The following CNKSR3 variants were observed in gnomAD, a reference collection of about 807,000 sequenced individuals.
CNKSR3 encodes CNKSR family member 3, also known as connector enhancer of kinase suppressor of ras 3.
Under a neutral mutation model 67.7 loss-of-function variants are expected in CNKSR3, and 36 were observed. The observed-to-expected ratio is 0.53, with a 90% confidence interval of 0.41 to 0.70. The LOEUF (loss-of-function observed/expected upper bound fraction) is 0.70. Ranked by LOEUF, CNKSR3 falls within the 30% of genes least tolerant of loss-of-function variation. CNKSR3 has a pLI of 0.00. For missense variants in CNKSR3, 630 were observed against 695.2 expected (o/e 0.91, Z 1.05); for synonymous variants, 281 against 271.4 (o/e 1.04, Z -0.35).
chr6:154,440,696 A>C (rs1785563332), intron 4 of CNKSR3, among the ~76,000 whole-genome samples: 2 of 152,172 alleles, frequency 1.3e-5, no homozygotes. Context: ...TGCCTTGGGG[A>C]AAGGCAACAT....
At chr6:154,455,105 TC>T (rs1785923657) in intron 1 of CNKSR3, among the ~76,000 whole-genome samples, 1 of 71,274 alleles carries the variant, frequency 1.4e-5, no homozygotes, top group African/African-American at 6.8e-5. Context: ...GGTCAGGAGT[TC>T]GAGACGAGGC....
rs1203882151 is a variant in CNKSR3 at position 154,403,920 on chromosome 6, G to A, written c.*2434C>T. 1 of 152,218 alleles carries A rather than the reference G, an allele frequency of 6.6e-6. No individual in the cohort carries two copies. Among genetic ancestry groups the A allele is most frequent in the South Asian group, 2.1e-4 (1 of 4,830 alleles). 9.4% of individuals were successfully genotyped at this position (152,218 alleles called of 1,614,324 possible). A position where few individuals can be genotyped will look rare whatever the true frequency, so the allele number is the denominator to read the frequency against. On this transcript the variant is annotated 3_prime_UTR_variant, in exon 13 of 13. Transcript: ENST00000607772. ...TAACTCATCATCCAGTGGAACTACAGCTCTTAGAGTTCTCCCCACAATCTG... is the reference window on the plus strand; with the variant it reads ...TAACTCATCATCCAGTGGAACTACAACTCTTAGAGTTCTCCCCACAATCTG...
Position 154,406,014 on chromosome 6 carries a change from A to G in CNKSR3, c.*340T>C. On this transcript the variant is annotated 3_prime_UTR_variant, in exon 13 of 13. Transcript: ENST00000607772. ...TTTGAGTCCCCCCAGCCCCTCAAAA[A>G]GGAACAATGCCACCAGTCCCTCACA... The G allele has an allele frequency of 4.6e-6, 1 of 216,228 alleles. No homozygotes were observed. Among genetic ancestry groups the G allele is most frequent in the South Asian group, 1.2e-4 (1 of 8,584 alleles). 13.4% of individuals were successfully genotyped at this position (216,228 alleles called of 1,614,324 possible). A position where few individuals can be genotyped will look rare whatever the true frequency, so the allele number is the denominator to read the frequency against.
chr6:154,483,103 G>A (rs1371537821), intron 1 of CNKSR3, among the ~76,000 whole-genome samples: 3 of 152,250 alleles, frequency 2.0e-5, no homozygotes, highest in South Asian at 2.1e-4. Flanking sequence ...CATCTTGGAC[G>A]AAGGACAGGA....
chr6:154,450,073 G>A (rs1399328526), intron 2 of CNKSR3, 22 bp downstream of exon 2: 1 of 1,610,906 alleles, frequency 6.2e-7, no homozygotes, highest in African/African-American at 1.3e-5. Context: ...TCACGGTACA[G>A]ACCGTCTTTT....
rs1244058298 is a variant in CNKSR3 at position 154,388,098 on chromosome 6, A to C, written c.*18256T>G. 1 of 151,930 alleles carries C rather than the reference A, an allele frequency of 6.6e-6. No individual in the cohort carries two copies. The highest frequency in any genetic ancestry group is 1.5e-5 in the Non-Finnish European group (1 of 68,004). 9.4% of individuals were successfully genotyped at this position (151,930 alleles called of 1,614,324 possible). On this transcript the variant is annotated 3_prime_UTR_variant, in exon 13 of 13. Transcript: ENST00000607772. ...CAGTATTGTTGACTATAGGTGCAAT[A>C]TTGTACCACAAATCTCTAGAGCTTA...
intron 1 of CNKSR3, among the ~76,000 whole-genome samples, chr6:154,457,151 A>C (rs530701081): frequency 1.3e-5 from 2 of 152,298 alleles, no homozygotes; most frequent in African/African-American, 2.4e-5. Context: ...GCTTTCAAAC[A>C]GAAGCGTGAC....
intron 1 of CNKSR3, among the ~76,000 whole-genome samples, chr6:154,479,041 G>C (rs1434398126): frequency 1.3e-5 from 2 of 150,978 alleles, no homozygotes; most frequent in Non-Finnish European, 1.5e-5. Flanking sequence ...TAAAAAGGGG[G>C]AGGAACATAT....
intron 1 of CNKSR3, among the ~76,000 whole-genome samples, chr6:154,457,499 C>T (rs946113444): frequency 6.6e-6 from 1 of 152,178 alleles, no homozygotes; most frequent in African/African-American, 2.4e-5. Flanking sequence ...GTGGGTGGAT[C>T]ACCTGAGGTC....
chr6:154,504,366 GACTTC>G (rs1171001144), intron 1 of CNKSR3, among the ~76,000 whole-genome samples: 16 of 152,202 alleles, frequency 1.1e-4, no homozygotes, highest in Admixed American at 1.0e-3. Context: ...CCTTATGAAA[GACTTC>G]ACTGCTCAGA....
chr6:154,461,622 A>G (rs904210714), intron 1 of CNKSR3, among the ~76,000 whole-genome samples: 2 of 152,222 alleles, frequency 1.3e-5, no homozygotes, highest in African/African-American at 4.8e-5. Flanking sequence ...AGCAGTCCCT[A>G]TACCTCATGG....
At chr6:154,428,238 T>C (rs1785293901) in intron 6 of CNKSR3, 51 bp from the exon 7 acceptor site, 1 of 1,134,956 alleles carries the variant, frequency 8.8e-7, no homozygotes, top group South Asian at 1.2e-5. Flanking sequence ...TTTAGAGACA[T>C]AGCCCCGAGT....
At chr6:154,447,046 C>T (rs529474968) in intron 2 of CNKSR3, among the ~76,000 whole-genome samples, 81 of 152,148 alleles carry the variant, frequency 5.3e-4, no homozygotes, top group African/African-American at 1.8e-3. Flanking sequence ...CCTTGTGATC[C>T]GCCTGCCTCG....
At chr6:154,501,113 G>A (rs1244694251) in intron 1 of CNKSR3, among the ~76,000 whole-genome samples, 3 of 152,150 alleles carry the variant, frequency 2.0e-5, no homozygotes, top group Non-Finnish European at 4.4e-5. Flanking sequence ...CTGGCAGGAG[G>A]GGAAAGAATG....
At chr6:154,437,455 C>T (rs1046295172) in intron 4 of CNKSR3, among the ~76,000 whole-genome samples, 9 of 136,982 alleles carry the variant, frequency 6.6e-5, no homozygotes, top group Non-Finnish European at 1.1e-4. Context: ...AGTCTTTCAC[C>T]CACGCTGGAG....
chr6:154,477,066 A>G (rs1582891646), intron 1 of CNKSR3, among the ~76,000 whole-genome samples: 2 of 152,224 alleles, frequency 1.3e-5, no homozygotes, highest in East Asian at 3.8e-4. Context: ...CAACTATGAA[A>G]TGCACATGGC....
At chr6:154,433,558 TTCA>T in intron 4 of CNKSR3, 51 bp from the exon 5 acceptor site, 1 of 1,375,766 alleles carries the variant, frequency 7.3e-7, no homozygotes, top group Non-Finnish European at 1.0e-6. Flanking sequence ...GTTAAAAACG[TTCA>T]GAACTGTTGG....
chr6:154,471,953 A>G (rs1346101696), intron 1 of CNKSR3, among the ~76,000 whole-genome samples: 1 of 152,200 alleles, frequency 6.6e-6, no homozygotes, highest in African/African-American at 2.4e-5. Context: ...CATGGTAACA[A>G]ACCTTGTTCA....
Position 154,398,053 on chromosome 6 carries a change from C to T in CNKSR3, c.*8301G>A, listed in dbSNP as rs1196022688. ...TGCAGATTATGCAGGTAAAATATGG[C>T]CACATATCCACACCTTCACAGGGCT... is the stretch of plus-strand genomic sequence containing the variant. On this transcript the variant is annotated 3_prime_UTR_variant, in exon 13 of 13. Coordinates refer to ENST00000607772, the MANE Select transcript of CNKSR3 (RefSeq NM_173515.4). 1 of 152,222 alleles carries T rather than the reference C, an allele frequency of 6.6e-6. No homozygotes were observed. The highest frequency in any genetic ancestry group is 2.4e-5 in the African/African-American group (1 of 41,458). 9.4% of individuals were successfully genotyped at this position (152,222 alleles called of 1,614,324 possible).
Sources: gnomAD v4.1 joint callset for allele counts (sites outside exome capture counted in the v4.1 genomes callset) on GRCh38, gnomAD v4.1.1 for gene constraint, MANE v1.5 for transcripts, NCBI Gene and HGNC (gene_info 2026-07-23, HGNC 2026-07-21) for gene names.